ADORA2B: variants seen among roughly 807,000 people sequenced by gnomAD.
ADORA2B encodes adenosine receptor A2b.
ADORA2B carries 18 observed loss-of-function variants against 20.8 expected under a neutral mutation model. That is an observed-to-expected ratio of 0.87 (90% CI 0.60 to 1.29). The LOEUF (loss-of-function observed/expected upper bound fraction) is 1.29, where lower values mean the gene tolerates loss of function less well. ADORA2B is among the 50% of genes most tolerant of loss of function. The pLI is 0.00. For missense variants in ADORA2B, 441 were observed against 422.7 expected, an observed-to-expected ratio of 1.04 and a Z score of -0.38; for synonymous variants, 179 against 178.3, an observed-to-expected ratio of 1.00 and a Z score of -0.03.
At chr17:15,900,377 A>G in the ADORA2B span, among the ~76,000 whole-genome samples, 26 of 152,332 alleles carry the variant, frequency 1.7e-4, no homozygotes, top group East Asian at 5.0e-3. Context: ...TCCCACCAAC[A>G]GGGTATAAGC....
At chr17:15,903,850 TAGTATCTC>T in the ADORA2B span, among the ~76,000 whole-genome samples, 1 of 152,204 alleles carries the variant, frequency 6.6e-6, no homozygotes, top group Non-Finnish European at 1.5e-5. Context: ...ATGTGTAGCA[TAGTATCTC>T]GTGGCTTTCA....
the ADORA2B span, among the ~76,000 whole-genome samples, chr17:15,926,962 C>A: frequency 3.9e-5 from 6 of 152,076 alleles, no homozygotes; most frequent in Non-Finnish European, 7.4e-5. Flanking sequence ...CAGAGCAAGA[C>A]CCTGTCTCAA....
chr17:15,892,984 A>G, the ADORA2B span, among the ~76,000 whole-genome samples: 1 of 152,186 alleles, frequency 6.6e-6, no homozygotes, highest in African/African-American at 2.4e-5. Flanking sequence ...TGCATTATTC[A>G]TGAGTACTGT....
the ADORA2B span, among the ~76,000 whole-genome samples, chr17:15,877,798 C>T: frequency 6.6e-6 from 1 of 152,044 alleles, no homozygotes. Context: ...CATCCCCCGA[C>T]CTGAAGCACC....
At chr17:15,892,019 T>C in the ADORA2B span, among the ~76,000 whole-genome samples, 1 of 150,602 alleles carries the variant, frequency 6.6e-6, no homozygotes, top group African/African-American at 2.4e-5. Context: ...CAGCTAATTT[T>C]TTTTTTTTTT....
the ADORA2B span, among the ~76,000 whole-genome samples, chr17:15,923,379 A>G: frequency 6.0e-5 from 8 of 132,478 alleles, no homozygotes; most frequent in African/African-American, 2.1e-4. Context: ...CTCTCTCTCT[A>G]TGTGTGTGTG....
At chr17:15,918,612 C>T in the ADORA2B span, among the ~76,000 whole-genome samples, 1 of 152,132 alleles carries the variant, frequency 6.6e-6, no homozygotes, top group African/African-American at 2.4e-5. Context: ...GCTGGGATTA[C>T]AGGCGAGTGC....
the ADORA2B span, among the ~76,000 whole-genome samples, chr17:15,865,385 C>T: frequency 2.6e-5 from 4 of 151,342 alleles, no homozygotes; most frequent in Non-Finnish European, 2.9e-5. Flanking sequence ...CCTCGACCTC[C>T]GGAGTAGCTG....
the ADORA2B span, among the ~76,000 whole-genome samples, chr17:15,855,183 G>A: frequency 5.0e-3 from 763 of 151,970 alleles, 31 homozygotes; most frequent in Admixed American, 0.04. Flanking sequence ...CACCCGCCTC[G>A]GCCTCCCAAA....
chr17:15,886,372 G>C, the ADORA2B span, among the ~76,000 whole-genome samples: 5 of 129,716 alleles, frequency 3.9e-5, 1 homozygote, highest in Non-Finnish European at 6.5e-5. Context: ...CCCTGTGGGT[G>C]TACTTGTCAG....
At chr17:15,935,108 G>A in the ADORA2B span, among the ~76,000 whole-genome samples, 4 of 152,128 alleles carry the variant, frequency 2.6e-5, no homozygotes, top group Admixed American at 6.6e-5. Flanking sequence ...CGCCTGGCCT[G>A]TATTTACATT....
the ADORA2B span, among the ~76,000 whole-genome samples, chr17:15,874,251 A>G: frequency 1.5e-4 from 23 of 152,082 alleles, no homozygotes; most frequent in Middle Eastern, 3.4e-3. Flanking sequence ...GTTCTCACTC[A>G]TGAGTGGGAG....
the ADORA2B span, among the ~76,000 whole-genome samples, chr17:15,867,364 C>T: frequency 5.5e-4 from 83 of 151,818 alleles, no homozygotes; most frequent in African/African-American, 1.9e-3. Flanking sequence ...GGCCGCCCAT[C>T]GTCTGAGATG....
At chr17:15,912,189 TG>T in the ADORA2B span, among the ~76,000 whole-genome samples, 1 of 134,226 alleles carries the variant, frequency 7.5e-6, no homozygotes, top group Non-Finnish European at 1.6e-5. Context: ...CACTCCAGCC[TG>T]GGTGACAGAA....
intron 1 of ADORA2B, among the ~76,000 whole-genome samples, chr17:15,951,420 G>A (rs1969900447): frequency 6.6e-6 from 1 of 152,202 alleles, no homozygotes; most frequent in Admixed American, 6.5e-5. Flanking sequence ...CTGCATCAGG[G>A]CATCACCCAA....
the ADORA2B span, among the ~76,000 whole-genome samples, chr17:15,903,601 A>G: frequency 6.6e-6 from 1 of 152,046 alleles, no homozygotes; most frequent in South Asian, 2.1e-4. Flanking sequence ...CCACCCTAGC[A>G]TCTCACTTGC....
At chr17:15,910,544 C>G in the ADORA2B span, among the ~76,000 whole-genome samples, 2 of 152,174 alleles carry the variant, frequency 1.3e-5, no homozygotes, top group Non-Finnish European at 2.9e-5. Context: ...GGTGATTCAC[C>G]CGCCTCGGCC....
the ADORA2B span, among the ~76,000 whole-genome samples, chr17:15,855,447 TA>T: frequency 6.6e-6 from 1 of 152,078 alleles, no homozygotes; most frequent in Non-Finnish European, 1.5e-5. Context: ...GAATGACCAG[TA>T]AGTGAAAGAA....
the ADORA2B span, among the ~76,000 whole-genome samples, chr17:15,938,771 G>A: frequency 1.3e-5 from 2 of 152,180 alleles, no homozygotes; most frequent in Admixed American, 6.5e-5. Context: ...TTCTAAACAT[G>A]CTCTTGAGCT....
Sources: allele counts gnomAD v4.1 joint callset (sites outside exome capture counted in the v4.1 genomes callset), GRCh38; gene constraint gnomAD v4.1.1; transcripts MANE v1.5; gene names NCBI Gene and HGNC (gene_info 2026-07-23, HGNC 2026-07-21).